PTPRD: variants seen among roughly 807,000 people sequenced by gnomAD.
PTPRD encodes the protein receptor-type tyrosine-protein phosphatase delta.
In PTPRD, 34 loss-of-function variants were observed where a neutral mutation model predicts 214.5. The ratio of observed to expected loss-of-function variants is 0.16; its 90% CI spans 0.12 to 0.21. PTPRD has a LOEUF of 0.21. Among genes scored for constraint, PTPRD ranks in the 10% least tolerant of loss-of-function variants. The probability of loss-of-function intolerance (pLI) is 1.00; values close to 1 mark genes in which losing one functional copy is unlikely to be tolerated. For missense variants in PTPRD, 2,545 were observed against 2,398.7 expected, an observed-to-expected ratio of 1.06 and a Z score of -1.27; for synonymous variants, 1,128 against 845.7, an observed-to-expected ratio of 1.33 and a Z score of -5.79.
chr9:9,528,707 G>A (rs1054741861), intron 8 of PTPRD, among the ~76,000 whole-genome samples: 7 of 151,800 alleles, frequency 4.6e-5, no homozygotes, highest in Non-Finnish European at 1.0e-4. Context: ...AAATATTGAG[G>A]TAGATGAAGA....
chr9:9,982,393 T>G (rs936377634), intron 4 of PTPRD, among the ~76,000 whole-genome samples: 1 of 152,080 alleles, frequency 6.6e-6, no homozygotes, highest in Non-Finnish European at 1.5e-5. Context: ...CTATACAAAT[T>G]ATTTGTCAGT....
chr9:10,406,180 G>C (rs567583906), intron 2 of PTPRD, among the ~76,000 whole-genome samples: 1 of 151,266 alleles, frequency 6.6e-6, no homozygotes, highest in East Asian at 2.0e-4. Flanking sequence ...TTGAATAAAA[G>C]CAGAAATAAG....
chr9:8,472,365 G>A (rs140122814), intron 30 of PTPRD, among the ~76,000 whole-genome samples: 3 of 152,318 alleles, frequency 2.0e-5, no homozygotes, highest in Admixed American at 6.5e-5. Flanking sequence ...TCCCAACCCT[G>A]TGTCACACTG....
intron 7 of PTPRD, among the ~76,000 whole-genome samples, chr9:9,624,201 C>G (rs890232413): frequency 6.6e-6 from 1 of 152,000 alleles, no homozygotes; most frequent in Non-Finnish European, 1.5e-5. Context: ...TTTAATTGCA[C>G]TATTAACTCT....
intron 9 of PTPRD, among the ~76,000 whole-genome samples, chr9:9,269,603 T>C (rs1941925630): frequency 6.6e-6 from 1 of 151,466 alleles, no homozygotes; most frequent in East Asian, 2.0e-4. Context: ...AATATAAGTG[T>C]TCATTTACAG....
At chr9:9,987,073 A>G (rs2095740489) in intron 4 of PTPRD, among the ~76,000 whole-genome samples, 1 of 152,098 alleles carries the variant, frequency 6.6e-6, no homozygotes, top group Non-Finnish European at 1.5e-5. Flanking sequence ...AGAGAGCTTG[A>G]CTGGGGAGGA....
chr9:8,763,808 A>T (rs1599045892), intron 11 of PTPRD, among the ~76,000 whole-genome samples: 1 of 152,144 alleles, frequency 6.6e-6, no homozygotes, highest in East Asian at 1.9e-4. Flanking sequence ...TCAAAATGAG[A>T]CCATGAGCAC....
intron 11 of PTPRD, among the ~76,000 whole-genome samples, chr9:8,789,530 C>T (rs1187981822): frequency 6.6e-6 from 1 of 152,186 alleles, no homozygotes; most frequent in Non-Finnish European, 1.5e-5. Context: ...CATATTAGCA[C>T]TCCTGTCTTC....
At chr9:8,333,052 G>GT (rs1469432964) in intron 43 of PTPRD, among the ~76,000 whole-genome samples, 3 of 152,194 alleles carry the variant, frequency 2.0e-5, no homozygotes, top group African/African-American at 7.2e-5. Flanking sequence ...TCGCCTGGTG[G>GT]TTTTCACAGG....
At chr9:10,422,431 A>G (rs1356689845) in intron 2 of PTPRD, among the ~76,000 whole-genome samples, 4 of 152,234 alleles carry the variant, frequency 2.6e-5, no homozygotes, top group Non-Finnish European at 5.9e-5. Flanking sequence ...ACCAAAAGCA[A>G]TGGTAACAAA....
In PTPRD at chr9:9,647,915, T is replaced by G. The variant is rs528700737; in HGVS notation, c.-286-73134A>C. The stretch of plus-strand genomic sequence containing the variant: ...TGAGAAACACTTAAGTCCCCAGATC[T>G]CATACTTTAATTGTGTGTGGCTTCT... On this transcript the variant is annotated intron_variant, in intron 7 of 45. Coordinates refer to ENST00000381196, the MANE Select transcript of PTPRD (RefSeq NM_002839.4). Among the ~76,000 whole-genome samples, 23 of 152,292 alleles carry G rather than the reference T, an allele frequency of 1.5e-4. No individual in the cohort carries two copies. In the South Asian group the frequency reaches 4.6e-3, roughly 30 times the overall value.
chr9:9,934,959 G>A (rs971343008), intron 5 of PTPRD, among the ~76,000 whole-genome samples: 1 of 152,116 alleles, frequency 6.6e-6, no homozygotes, highest in African/African-American at 2.4e-5. Flanking sequence ...CATATAAACA[G>A]AGCCAAAGAC....
chr9:10,263,966 G>T (rs961457432), intron 3 of PTPRD, among the ~76,000 whole-genome samples: 1 of 152,160 alleles, frequency 6.6e-6, no homozygotes, highest in East Asian at 1.9e-4. Context: ...CCAAGGTACA[G>T]CTCAGGGCAT....
At chr9:8,354,922 C>A (rs1394542543) in intron 39 of PTPRD, among the ~76,000 whole-genome samples, 1 of 152,224 alleles carries the variant, frequency 6.6e-6, no homozygotes, top group Non-Finnish European at 1.5e-5. Flanking sequence ...AGCTCTCCCA[C>A]TCTACTGCAC....
intron 3 of PTPRD, among the ~76,000 whole-genome samples, chr9:10,320,591 A>G: frequency 6.6e-6 from 1 of 152,028 alleles, no homozygotes; most frequent in East Asian, 1.9e-4. Flanking sequence ...CCAAAATATA[A>G]CCCTGCAATA....
At chr9:8,901,387 A>AAAAATAT in intron 11 of PTPRD, among the ~76,000 whole-genome samples, 1 of 152,356 alleles carries the variant, frequency 6.6e-6, no homozygotes, top group Non-Finnish European at 1.5e-5. Context: ...ATGAATGACT[A>AAAAATAT]GTCATAAATA....
intron 12 of PTPRD, among the ~76,000 whole-genome samples, chr9:8,660,346 G>T (rs150511079): frequency 6.6e-6 from 1 of 152,028 alleles, no homozygotes; most frequent in Non-Finnish European, 1.5e-5. Context: ...TTCCTTTTCC[G>T]CTTTTGATTC....
intron 9 of PTPRD, among the ~76,000 whole-genome samples, chr9:9,283,461 G>A (rs1007017360): frequency 7.5e-6 from 1 of 132,754 alleles, no homozygotes; most frequent in East Asian, 2.1e-4. Context: ...TTCAGGCACA[G>A]CATAATGTCT....
At chr9:8,937,860 A>T (rs907038384) in intron 11 of PTPRD, among the ~76,000 whole-genome samples, 7 of 152,200 alleles carry the variant, frequency 4.6e-5, no homozygotes, top group Non-Finnish European at 7.3e-5. Context: ...TGATTCCCTG[A>T]TTCAAAGTAT....
Sources: allele counts gnomAD v4.1 joint callset (sites outside exome capture counted in the v4.1 genomes callset), GRCh38; gene constraint gnomAD v4.1.1; transcripts MANE v1.5; gene names NCBI Gene and HGNC (gene_info 2026-07-23, HGNC 2026-07-21).